The following ARHGEF3 variants were observed in gnomAD, a reference collection of about 807,000 sequenced individuals.
The protein encoded by ARHGEF3 is 59.8 kDA protein.
Under a neutral mutation model 63.2 loss-of-function variants are expected in ARHGEF3, and 28 were observed. The observed-to-expected ratio is 0.44, with a 90% confidence interval of 0.33 to 0.61. ARHGEF3 has a LOEUF of 0.61. ARHGEF3 is among the 20% of genes least tolerant of loss of function. The probability of loss-of-function intolerance (pLI) is 0.03; values close to 1 mark genes in which losing one functional copy is unlikely to be tolerated. For synonymous variants in ARHGEF3, 266 were observed against 254.2 expected (o/e 1.05, Z -0.44); for missense variants, 533 against 659.3 (o/e 0.81, Z 2.10).
intron 2 of ARHGEF3, among the ~76,000 whole-genome samples, chr3:56,763,182 A>G (rs962750709): frequency 2.0e-5 from 3 of 152,252 alleles, no homozygotes; most frequent in Middle Eastern, 3.4e-3. Context: ...GGTGCATAAT[A>G]ATAAGTACCT....
intron 2 of ARHGEF3, among the ~76,000 whole-genome samples, chr3:56,986,662 C>A (rs1701551561): frequency 6.6e-6 from 1 of 152,082 alleles, no homozygotes; most frequent in Admixed American, 6.5e-5. Flanking sequence ...ATGAAGACTG[C>A]ACAAAACCCC....
chr3:57,067,454 A>AAAT (rs10528636), intron 1 of ARHGEF3, among the ~76,000 whole-genome samples: 6,407 of 140,390 alleles, frequency 0.046, 258 homozygotes, highest in African/African-American at 0.11. Context: ...CTCTGTCTCA[A>AAAT]AATAATAATA....
intron 3 of ARHGEF3, among the ~76,000 whole-genome samples, chr3:56,893,937 G>C (rs2108289670): frequency 6.6e-6 from 1 of 150,604 alleles, no homozygotes; most frequent in East Asian, 1.9e-4. Flanking sequence ...AGGAAACTGA[G>C]ACTTAAAGAG....
At chr3:56,914,626 C>T (rs962186670) in intron 3 of ARHGEF3, among the ~76,000 whole-genome samples, 3 of 152,006 alleles carry the variant, frequency 2.0e-5, no homozygotes, top group Non-Finnish European at 4.4e-5. Flanking sequence ...CTTCAGAGCT[C>T]CACGCAATAT....
intron 3 of ARHGEF3, chr3:56,938,510 G>A (rs1699016232): frequency 6.6e-6 from 1 of 152,128 alleles, no homozygotes; most frequent in African/African-American, 2.4e-5. Context: ...GGGATGGAAG[G>A]AGCAAAAGAT....
intron 3 of ARHGEF3, among the ~76,000 whole-genome samples, chr3:56,932,378 G>A (rs1218204462): frequency 6.6e-6 from 1 of 152,008 alleles, no homozygotes; most frequent in African/African-American, 2.4e-5. Flanking sequence ...CCTCTCAAGT[G>A]CTTTTTTTCA....
intron 2 of ARHGEF3, among the ~76,000 whole-genome samples, chr3:57,011,012 A>T (rs886448968): frequency 3.3e-5 from 5 of 152,230 alleles, no homozygotes; most frequent in Non-Finnish European, 5.9e-5. Context: ...GAAATTGCAA[A>T]GCAGACCCAA....
intron 1 of ARHGEF3, among the ~76,000 whole-genome samples, chr3:56,788,423 C>G (rs1429747991): frequency 1.3e-5 from 2 of 152,168 alleles, no homozygotes; most frequent in Non-Finnish European, 2.9e-5. Context: ...CCAGGGGGAA[C>G]ATGATACACA....
In ARHGEF3 at chr3:56,773,704, C is replaced by G. The variant is rs777819217; in HGVS notation, c.204+5G>C. 6 of 1,574,576 alleles carry G rather than the reference C, an allele frequency of 3.8e-6. No individual in the cohort carries two copies. The South Asian group carries it at 5.9e-5, about 16-fold the overall frequency. ...GCAACCACAGGCCCTGTGTGCCCTT[C>G]TTACCTGCAGGGTTTGACTGAAGCG... On this transcript the variant is annotated splice_donor_5th_base_variant and intron_variant, in intron 2 of 9. Coordinates refer to ENST00000296315, the MANE Select transcript of ARHGEF3 (RefSeq NM_019555.3).
At chr3:56,886,614 A>T (rs546455361) in intron 3 of ARHGEF3, among the ~76,000 whole-genome samples, 9 of 152,346 alleles carry the variant, frequency 5.9e-5, no homozygotes, top group African/African-American at 2.2e-4. Context: ...CACGGCACTC[A>T]CTTTGAACTT....
chr3:56,995,338 T>C (rs1382046191), intron 2 of ARHGEF3, among the ~76,000 whole-genome samples: 1 of 152,064 alleles, frequency 6.6e-6, no homozygotes. Flanking sequence ...ACCAAGCTCG[T>C]CCTCTGATGA....
intron 4 of ARHGEF3, among the ~76,000 whole-genome samples, chr3:56,815,250 C>T (rs773277971): frequency 1.3e-5 from 2 of 151,854 alleles, no homozygotes; most frequent in Non-Finnish European, 2.9e-5. Flanking sequence ...GACATAGATT[C>T]TTGAACCATA....
At chr3:56,892,151 T>G (rs1163781470) in intron 3 of ARHGEF3, among the ~76,000 whole-genome samples, 1 of 152,038 alleles carries the variant, frequency 6.6e-6, no homozygotes, top group Non-Finnish European at 1.5e-5. Context: ...TACAAACTGC[T>G]TTTCCCTCCA....
intron 3 of ARHGEF3, among the ~76,000 whole-genome samples, chr3:56,913,148 TAA>T (rs1194064002): frequency 1.5e-5 from 1 of 65,108 alleles, no homozygotes; most frequent in African/African-American, 4.1e-5. Flanking sequence ...CCTTGTCTCC[TAA>T]AAAAAAAAAC....
chr3:56,799,970 G>A (rs991765670), intron 1 of ARHGEF3, among the ~76,000 whole-genome samples: 1 of 151,964 alleles, frequency 6.6e-6, no homozygotes, highest in Non-Finnish European at 1.5e-5. Flanking sequence ...CCCCATACGA[G>A]GAAAATAAGT....
rs1454639835 is a variant in ARHGEF3, at chr3:57,021,475, C to T, written c.62+13613G>A. On this transcript the variant is annotated intron_variant, in intron 2 of 12. Transcript: ENST00000338458. Reference sequence around the variant, plus strand: ...CCGCTAGTTAACATTATTCAGGAAGCGGCCAGGCGCGGTGGCTCACACCTG... The same window carrying T: ...CCGCTAGTTAACATTATTCAGGAAGTGGCCAGGCGCGGTGGCTCACACCTG... 3.3e-5 allele frequency among the ~76,000 whole-genome samples: 5 copies of T among 152,124 alleles called. No homozygotes were observed. In the East Asian group the frequency reaches 7.7e-4, roughly 24 times the overall value.
chr3:56,786,760 G>A (rs2036840806), intron 1 of ARHGEF3, among the ~76,000 whole-genome samples: 1 of 152,156 alleles, frequency 6.6e-6, no homozygotes, highest in Non-Finnish European at 1.5e-5. Flanking sequence ...AAGGCAAGGA[G>A]CTCAGAGACT....
At chr3:56,821,829 T>C (rs1047483994) in intron 4 of ARHGEF3, among the ~76,000 whole-genome samples, 3 of 152,000 alleles carry the variant, frequency 2.0e-5, no homozygotes, top group Non-Finnish European at 2.9e-5. Flanking sequence ...CCGGGCATGG[T>C]GGGGCAAGCC....
chr3:56,792,103 C>CT (rs2037107622), intron 1 of ARHGEF3, among the ~76,000 whole-genome samples: 5 of 91,348 alleles, frequency 5.5e-5, no homozygotes, highest in Non-Finnish European at 1.1e-4. Flanking sequence ...GACTCTGTCT[C>CT]AAAAAAAAAA....
Sources: gnomAD v4.1 joint callset for allele counts (sites outside exome capture counted in the v4.1 genomes callset) on GRCh38, gnomAD v4.1.1 for gene constraint, MANE v1.5 for transcripts, NCBI Gene and HGNC (gene_info 2026-07-23, HGNC 2026-07-21) for gene names.